DPP8: variants seen among roughly 807,000 people sequenced by gnomAD.
DPP8 encodes DPP VIII.
In DPP8, 31 loss-of-function variants were observed where a neutral mutation model predicts 107.5. That is an observed-to-expected ratio of 0.29 (90% confidence interval 0.22 to 0.39). The LOEUF (loss-of-function observed/expected upper bound fraction) is 0.39. Ranked by LOEUF, DPP8 falls within the 10% of genes least tolerant of loss-of-function variation. The probability of loss-of-function intolerance (pLI) is 1.00; values close to 1 mark genes in which losing one functional copy is unlikely to be tolerated. For missense variants in DPP8, 842 were observed against 1,076.1 expected, an observed-to-expected ratio of 0.78 and a Z score of 3.04; for synonymous variants, 381 against 356.6, an observed-to-expected ratio of 1.07 and a Z score of -0.77.
intron 11 of DPP8, among the ~76,000 whole-genome samples, chr15:65,474,623 C>T (rs1476701055): frequency 6.6e-6 from 1 of 152,160 alleles, no homozygotes; most frequent in Non-Finnish European, 1.5e-5. Context: ...TAGAACTAGA[C>T]ACCACTAAAC....
chr15:65,473,777 G>A (rs1490468907), intron 12 of DPP8, among the ~76,000 whole-genome samples: 2 of 152,156 alleles, frequency 1.3e-5, no homozygotes, highest in Non-Finnish European at 2.9e-5. Context: ...CCAACAACTT[G>A]AGTAATTTTA....
intron 8 of DPP8, 59 bp downstream of exon 8, chr15:65,485,040 A>T (rs2067270890): frequency 7.5e-7 from 1 of 1,324,940 alleles, no homozygotes; most frequent in Admixed American, 1.7e-5. Flanking sequence ...AAAGAACCCT[A>T]CTGGGCTGAA....
intron 6 of DPP8, among the ~76,000 whole-genome samples, chr15:65,489,944 C>T (rs1023685251): frequency 5.9e-5 from 9 of 152,048 alleles, no homozygotes; most frequent in Non-Finnish European, 1.2e-4. Context: ...GTCTCGAACT[C>T]CTGACCTCGG....
intron 16 of DPP8, among the ~76,000 whole-genome samples, chr15:65,454,919 C>T (rs566400803): frequency 6.6e-6 from 1 of 152,270 alleles, no homozygotes; most frequent in South Asian, 2.1e-4. Context: ...AGATAGGGGC[C>T]TATATCTTCT....
At position 65,454,295 on chromosome 15, in the gene DPP8, T is replaced by G. The variant is rs753482554; in HGVS notation, c.2239A>C (p.Met747Leu). 2 of 1,574,546 alleles carry G rather than the reference T, an allele frequency of 1.3e-6. No individual in the cohort carries two copies. The highest frequency in any genetic ancestry group is 1.7e-6 in the Non-Finnish European group (2 of 1,167,316). ...GWSYGGYLSL[M>L]ALMQRSDIFR... Reference sequence around the variant, plus strand: ...ATATCTGACCTCTGCATTAATGCCATCAGGGAGAGGTATCCTCCATAGGAC... The same window carrying G: ...ATATCTGACCTCTGCATTAATGCCAGCAGGGAGAGGTATCCTCCATAGGAC... Residue 747 changes from methionine to leucine, a missense_variant, in exon 17 of 20, where the codon ATG becomes CTG. Coordinates refer to ENST00000300141, the MANE Select transcript of DPP8 (RefSeq NM_130434.5).
Position 65,474,294 on chromosome 15 carries a change from G to A in DPP8, c.1457-6C>T. Reference sequence around the variant, plus strand: ...GATAGGACACTTGAAATCACCTGAAGATAAATATAATTATAATTCAGTACA... The same window carrying A: ...GATAGGACACTTGAAATCACCTGAAAATAAATATAATTATAATTCAGTACA... On this transcript the variant is annotated splice_polypyrimidine_tract_variant and splice_region_variant and intron_variant, in intron 11 of 19. Transcript: ENST00000300141. 6.4e-7 allele frequency: 1 copy of A among 1,574,786 alleles called. No individual in the cohort carries two copies. The highest frequency in any genetic ancestry group is 8.7e-7 in the Non-Finnish European group (1 of 1,144,450).
In DPP8 at chr15:65,463,923, T is replaced by C; in HGVS notation, c.1826-17A>G. On this transcript the variant is annotated splice_polypyrimidine_tract_variant and intron_variant, in intron 14 of 19. Transcript: ENST00000300141. ...GAAGAGGACCTGTGAATAGGTAACA[T>C]AACAGAGTCTACAAAAGAGTTCTTA... 1 of 1,527,102 alleles carries C rather than the reference T, an allele frequency of 6.5e-7. No individual in the cohort carries two copies. Among genetic ancestry groups the C allele is most frequent in the Non-Finnish European group, 8.7e-7 (1 of 1,144,074 alleles). The allele number at this position is 1,527,102 out of a possible 1,614,324, so 94.6% of individuals were successfully genotyped here.
At chr15:65,507,638 C>CA (rs2070222301) in intron 2 of DPP8, among the ~76,000 whole-genome samples, 1 of 116,992 alleles carries the variant, frequency 8.5e-6, no homozygotes, top group Non-Finnish European at 1.7e-5. Flanking sequence ...GCCTGGGTAA[C>CA]ATAGCAAGAT....
intron 2 of DPP8, among the ~76,000 whole-genome samples, chr15:65,510,676 T>C (rs1201542637): frequency 6.6e-6 from 1 of 152,178 alleles, no homozygotes; most frequent in African/African-American, 2.4e-5. Context: ...GTAGCTGGGA[T>C]TACAAGTGTG....
rs769836118 is a variant in DPP8 at position 65,474,191 on chromosome 15, T to C, written c.1536+18A>G. 1.7e-5 allele frequency: 27 copies of C among 1,561,200 alleles called. No individual in the cohort carries two copies. The highest frequency in any genetic ancestry group is 2.2e-5 in the Non-Finnish European group (25 of 1,132,112). On this transcript the variant is annotated intron_variant, in intron 12 of 19. Coordinates refer to ENST00000300141, the MANE Select transcript of DPP8 (RefSeq NM_130434.5). ...CAGTAATACTGACCAAACATATCAG[T>C]AGAATAAAATAACATACATTAGATC...
At chr15:65,515,623 C>A in intron 1 of DPP8, 2 of 1,603,986 alleles carry the variant, frequency 1.2e-6, no homozygotes, top group Non-Finnish European at 1.7e-6. Flanking sequence ...GCCCCACCTA[C>A]CTCGTCACTT....
At chr15:65,500,039 G>A (rs982021095) in intron 4 of DPP8, among the ~76,000 whole-genome samples, 5 of 152,084 alleles carry the variant, frequency 3.3e-5, no homozygotes, top group African/African-American at 1.2e-4. Context: ...GGGATTAAAG[G>A]TGTGCACCAC....
At chr15:65,469,978 C>T (rs1400949348) in intron 12 of DPP8, among the ~76,000 whole-genome samples, 1 of 151,732 alleles carries the variant, frequency 6.6e-6, no homozygotes, top group Non-Finnish European at 1.5e-5. Context: ...AAGAGGATTG[C>T]CTGACGTCAG....
Position 65,497,904 on chromosome 15 carries a change from G to C in DPP8, c.675C>G (p.Ile225Met), listed in dbSNP as rs758899202. The change falls in exon 5 of 20, where the codon ATC (isoleucine) becomes ATG (methionine). Residue 225 changes from isoleucine (I) to methionine (M), a missense_variant. Around this residue, in one of 2 missense-constraint regions of DPP8, gnomAD observed 663 missense variants for 758.0 expected, o/e 0.87. Coordinates refer to ENST00000300141, the MANE Select transcript of DPP8 (RefSeq NM_130434.5). ...TGAGTCTCCTTTCTTCTCTGGTTAC[G>C]ATGTTAGATATCCAAATATCGTTGC... ...IHSNDIWISN[I>M]VTREERRLTY... 3.1e-6 allele frequency: 5 copies of C among 1,588,498 alleles called. No individual in the cohort carries two copies. Among genetic ancestry groups the C allele is most frequent in the Non-Finnish European group, 3.4e-6 (4 of 1,164,096 alleles).
intron 11 of DPP8, among the ~76,000 whole-genome samples, chr15:65,476,366 A>G (rs545019672): frequency 6.6e-6 from 1 of 152,314 alleles, no homozygotes; most frequent in South Asian, 2.1e-4. Flanking sequence ...TAACATATAG[A>G]TAACAAATAC....
At chr15:65,455,244 A>C (rs936558652) in intron 16 of DPP8, 1 of 153,350 alleles carries the variant, frequency 6.5e-6, no homozygotes, top group South Asian at 2.0e-4. Flanking sequence ...TTATCCTCCC[A>C]CCTCAAGCCT....
At chr15:65,489,162 T>C (rs1305844052) in intron 6 of DPP8, among the ~76,000 whole-genome samples, 2 of 152,040 alleles carry the variant, frequency 1.3e-5, no homozygotes, top group East Asian at 3.9e-4. Flanking sequence ...GGTTTCACCA[T>C]GTTGGCCAGG....
chr15:65,455,074 A>C (rs781407678), intron 16 of DPP8, among the ~76,000 whole-genome samples: 6 of 152,162 alleles, frequency 3.9e-5, no homozygotes, highest in Non-Finnish European at 8.8e-5. Flanking sequence ...CCTTGTAACA[A>C]GCCTTCCTAT....
At chr15:65,506,281 A>G (rs2069975563) in intron 3 of DPP8, among the ~76,000 whole-genome samples, 1 of 152,118 alleles carries the variant, frequency 6.6e-6, no homozygotes, top group African/African-American at 2.4e-5. Context: ...GTGAGCCAAG[A>G]CTGCGCCATT....
Sources: allele counts gnomAD v4.1 joint callset (sites outside exome capture counted in the v4.1 genomes callset), GRCh38; gene constraint gnomAD v4.1.1; regional missense constraint gnomAD v4.1.1; transcripts MANE v1.5; gene names NCBI Gene and HGNC (gene_info 2026-07-23, HGNC 2026-07-21).